The following UST variants were observed in gnomAD, a reference collection of about 807,000 sequenced individuals.
UST encodes chondroitin sulfate 2-O-sulfotransferase.
Under a neutral mutation model 45.6 loss-of-function variants are expected in UST, and 21 were observed. That is an observed-to-expected ratio of 0.46 (90% CI 0.33 to 0.66). The LOEUF (loss-of-function observed/expected upper bound fraction) is 0.66, where lower values mean the gene tolerates loss of function less well. Ranked by LOEUF, UST falls within the 30% of genes least tolerant of loss-of-function variation. The probability of loss-of-function intolerance (pLI) is 0.02; values close to 1 mark genes in which losing one functional copy is unlikely to be tolerated. For missense variants in UST, 463 were observed against 512.4 expected (o/e 0.90, Z 0.93); for synonymous variants, 215 against 200.6 (o/e 1.07, Z -0.61).
chr6:149,006,423 A>C (rs141234319), intron 5 of UST, among the ~76,000 whole-genome samples: 48 of 152,242 alleles, frequency 3.2e-4, no homozygotes, highest in Non-Finnish European at 4.9e-4. Context: ...AAAGGACATG[A>C]TCTTGTTCCT....
At chr6:148,968,395 T>C (rs1319578984) in intron 5 of UST, among the ~76,000 whole-genome samples, 6 of 152,244 alleles carry the variant, frequency 3.9e-5, no homozygotes, top group Admixed American at 3.9e-4. Context: ...AAGTTCAACT[T>C]CTAGCAGCCA....
At chr6:148,866,113 A>G (rs911252931) in intron 1 of UST, among the ~76,000 whole-genome samples, 3 of 152,108 alleles carry the variant, frequency 2.0e-5, no homozygotes, top group African/African-American at 7.2e-5. Context: ...GCTTTTTTCC[A>G]TGACAATATT....
At chr6:149,039,990 G>A (rs1221690207) in intron 7 of UST, among the ~76,000 whole-genome samples, 2 of 152,150 alleles carry the variant, frequency 1.3e-5, no homozygotes, top group Non-Finnish European at 1.5e-5. Context: ...GTTACTCACC[G>A]AGCGTGTCTG....
chr6:148,864,908 A>G (rs1272040495), intron 1 of UST, among the ~76,000 whole-genome samples: 1 of 152,178 alleles, frequency 6.6e-6, no homozygotes, highest in Non-Finnish European at 1.5e-5. Context: ...TTTTCTCCAC[A>G]AGTGCTAATA....
At chr6:148,754,033 T>C (rs979295017) in intron 1 of UST, among the ~76,000 whole-genome samples, 1 of 151,684 alleles carries the variant, frequency 6.6e-6, no homozygotes, top group African/African-American at 2.4e-5. Flanking sequence ...CTCGCTCTGT[T>C]GCCCAGGCTG....
At chr6:148,858,748 T>G (rs1778252091) in intron 1 of UST, among the ~76,000 whole-genome samples, 1 of 152,064 alleles carries the variant, frequency 6.6e-6, no homozygotes, top group Non-Finnish European at 1.5e-5. Flanking sequence ...ACATGTGGTG[T>G]TTGGTTTTCT....
intron 5 of UST, among the ~76,000 whole-genome samples, chr6:149,007,765 A>G (rs1321321960): frequency 6.6e-6 from 1 of 151,872 alleles, no homozygotes; most frequent in Non-Finnish European, 1.5e-5. Context: ...TTTTGGCTGT[A>G]AGAAAGAGAT....
At chr6:149,065,894 G>A (rs1776723770) in intron 7 of UST, among the ~76,000 whole-genome samples, 1 of 152,168 alleles carries the variant, frequency 6.6e-6, no homozygotes, top group African/African-American at 2.4e-5. Context: ...CAAAAAAGCT[G>A]TCATTGTTTA....
chr6:148,948,536 T>C (rs899503635), intron 3 of UST, among the ~76,000 whole-genome samples: 3 of 152,252 alleles, frequency 2.0e-5, no homozygotes, highest in Non-Finnish European at 4.4e-5. Context: ...TTTAGGTATC[T>C]TTCATTACAT....
At chr6:148,994,113 G>C (rs1781405027) in intron 5 of UST, among the ~76,000 whole-genome samples, 1 of 151,950 alleles carries the variant, frequency 6.6e-6, no homozygotes, top group Non-Finnish European at 1.5e-5. Flanking sequence ...GGGACTACAG[G>C]CATGCACCAG....
chr6:148,918,325 T>C (rs978794941), intron 2 of UST, among the ~76,000 whole-genome samples: 1 of 152,252 alleles, frequency 6.6e-6, no homozygotes, highest in Non-Finnish European at 1.5e-5. Flanking sequence ...GAAGCATTTT[T>C]ATCCGGTCTT....
chr6:148,933,191 T>C (rs1779955392), intron 2 of UST, among the ~76,000 whole-genome samples: 1 of 152,182 alleles, frequency 6.6e-6, no homozygotes, highest in South Asian at 2.1e-4. Context: ...TTTCTTATAG[T>C]TTTAAGAGAT....
At chr6:148,755,753 A>G (rs1235104977) in intron 1 of UST, among the ~76,000 whole-genome samples, 1 of 151,902 alleles carries the variant, frequency 6.6e-6, no homozygotes, top group African/African-American at 2.4e-5. Flanking sequence ...TAAATATTTT[A>G]GATCAAAATG....
chr6:148,766,830 C>T (rs904483956), intron 1 of UST, among the ~76,000 whole-genome samples: 1 of 152,186 alleles, frequency 6.6e-6, no homozygotes, highest in African/African-American at 2.4e-5. Flanking sequence ...TAAAGAACCA[C>T]TGTAGCAGAT....
chr6:148,824,042 T>A (rs1777520106), intron 1 of UST, among the ~76,000 whole-genome samples: 3 of 151,828 alleles, frequency 2.0e-5, no homozygotes, highest in African/African-American at 7.3e-5. Flanking sequence ...GAAATGAGAG[T>A]GGAGGACTAA....
chr6:148,813,055 C>T (rs532069907), intron 1 of UST, among the ~76,000 whole-genome samples: 38 of 152,254 alleles, frequency 2.5e-4, no homozygotes, highest in African/African-American at 8.9e-4. Flanking sequence ...TATATATACA[C>T]ACATGTATGT....
intron 5 of UST, among the ~76,000 whole-genome samples, chr6:149,010,895 C>CAAAAAAAAAAAAAAAAAAAAA (rs1172538648): frequency 3.0e-5 from 2 of 65,616 alleles, no homozygotes; most frequent in African/African-American, 1.3e-4. Flanking sequence ...CCGTCTCAAC[C>CAAAAAAAAAAAAAAAAAAAAA]AAAAAAAAAA....
intron 5 of UST, among the ~76,000 whole-genome samples, chr6:148,969,101 T>G (rs1335378301): frequency 6.6e-6 from 1 of 152,214 alleles, no homozygotes; most frequent in Non-Finnish European, 1.5e-5. Context: ...TACTTGAAAG[T>G]TTTGGACTCT....
intron 3 of UST, among the ~76,000 whole-genome samples, chr6:148,952,944 G>A (rs191198742): frequency 2.6e-5 from 4 of 152,256 alleles, no homozygotes; most frequent in East Asian, 1.9e-4. Context: ...AACATTTTCT[G>A]TATCATGACA....
Sources: allele counts gnomAD v4.1 joint callset (sites outside exome capture counted in the v4.1 genomes callset), GRCh38; gene constraint gnomAD v4.1.1; transcripts MANE v1.5; gene names NCBI Gene and HGNC (gene_info 2026-07-23, HGNC 2026-07-21).